CCDC171: variants seen among roughly 807,000 people sequenced by gnomAD.
CCDC171 encodes coiled-coil domain-containing protein 171.
CCDC171 carries 177 observed loss-of-function variants against 168.2 expected under a neutral mutation model. The observed-to-expected ratio is 1.05, with a 90% CI of 0.93 to 1.19. The LOEUF is 1.19. CCDC171 is among the 50% of genes most tolerant of loss of function. CCDC171 has a pLI of 0.00. For synonymous variants in CCDC171, 687 were observed against 540.8 expected (o/e 1.27, Z -3.75); for missense variants, 1,991 against 1,539.0 (o/e 1.29, Z -4.91).
chr9:15,958,383 A>G (rs1830013483), intron 25 of CCDC171, among the ~76,000 whole-genome samples: 1 of 152,036 alleles, frequency 6.6e-6, no homozygotes, highest in South Asian at 2.1e-4. Flanking sequence ...TTTATATTAA[A>G]TTTTAACTAA....
intron 6 of CCDC171, among the ~76,000 whole-genome samples, chr9:16,025,720 T>C (rs1456383241): frequency 2.6e-5 from 4 of 152,160 alleles, no homozygotes; most frequent in Admixed American, 2.0e-4. Context: ...ATTCCATTTA[T>C]CTGAAATGTC....
intron 1 of CCDC171, among the ~76,000 whole-genome samples, chr9:15,559,452 C>T (rs1170324604): frequency 6.6e-6 from 1 of 152,134 alleles, no homozygotes; most frequent in Non-Finnish European, 1.5e-5. Context: ...ATAGTTAGCT[C>T]TTCTTGTTGA....
chr9:15,881,286 C>T (rs1205274790), intron 24 of CCDC171, among the ~76,000 whole-genome samples: 1 of 152,072 alleles, frequency 6.6e-6, no homozygotes. Context: ...AAATGAAATA[C>T]TAAGGTGCGT....
intron 25 of CCDC171, among the ~76,000 whole-genome samples, chr9:15,969,562 C>T (rs1043876668): frequency 6.6e-6 from 1 of 152,202 alleles, no homozygotes; most frequent in African/African-American, 2.4e-5. Flanking sequence ...GCACACCCCT[C>T]TATTTTCCAT....
At chr9:15,578,366 C>A (rs1323678099) in intron 3 of CCDC171, among the ~76,000 whole-genome samples, 1 of 150,000 alleles carries the variant, frequency 6.7e-6, no homozygotes. Context: ...TCCTGAGTAG[C>A]TGAGACTACA....
chr9:16,085,394 A>G, the CCDC171 span, among the ~76,000 whole-genome samples: 2 of 152,242 alleles, frequency 1.3e-5, no homozygotes, highest in Non-Finnish European at 2.9e-5. Flanking sequence ...GAAATGGGTC[A>G]TTCTCAAATG....
At chr9:15,953,175 T>C (rs950199953) in intron 25 of CCDC171, among the ~76,000 whole-genome samples, 2 of 152,122 alleles carry the variant, frequency 1.3e-5, no homozygotes, top group African/African-American at 4.8e-5. Context: ...CTTTTCTTTT[T>C]CTTGCCTAAT....
At chr9:15,592,128 C>A (rs1188659510) in intron 5 of CCDC171, among the ~76,000 whole-genome samples, 1 of 150,552 alleles carries the variant, frequency 6.6e-6, no homozygotes, top group Non-Finnish European at 1.5e-5. Flanking sequence ...TCTATATTTG[C>A]CATTTTTTTT....
the CCDC171 span, among the ~76,000 whole-genome samples, chr9:16,095,031 C>T: frequency 2.6e-5 from 4 of 152,302 alleles, no homozygotes; most frequent in East Asian, 1.9e-4. Context: ...TGTATGCTTC[C>T]CTTCTCTTTC....
At chr9:15,808,915 G>A (rs145802329) in intron 21 of CCDC171, among the ~76,000 whole-genome samples, 170 of 152,244 alleles carry the variant, frequency 1.1e-3, no homozygotes, top group Middle Eastern at 3.4e-3. Flanking sequence ...TAGTAGATTT[G>A]GTGTCTGGTG....
At chr9:15,978,535 A>C (rs1370431888), downstream of CCDC171, among the ~76,000 whole-genome samples, 1 of 152,130 alleles carries the variant, frequency 6.6e-6, no homozygotes, top group African/African-American at 2.4e-5. Flanking sequence ...CCTAAGAGAC[A>C]ATTTTGAGGA....
At chr9:15,760,329 G>C (rs2056375647) in intron 18 of CCDC171, among the ~76,000 whole-genome samples, 1 of 151,962 alleles carries the variant, frequency 6.6e-6, no homozygotes, top group African/African-American at 2.4e-5. Flanking sequence ...TTAAAGAGTA[G>C]GTTTTTATCT....
At chr9:15,641,870 G>A (rs972198044) in intron 7 of CCDC171, among the ~76,000 whole-genome samples, 1 of 152,282 alleles carries the variant, frequency 6.6e-6, no homozygotes, top group Admixed American at 6.5e-5. Flanking sequence ...GTTACATACA[G>A]AACTGTTGTT....
intron 24 of CCDC171, among the ~76,000 whole-genome samples, chr9:15,902,948 C>G (rs1563968952): frequency 6.6e-6 from 1 of 152,200 alleles, no homozygotes; most frequent in African/African-American, 2.4e-5. Flanking sequence ...GCACAGCAGT[C>G]TGAGATCAAA....
chr9:15,710,214 G>A (rs2052556688), intron 11 of CCDC171, among the ~76,000 whole-genome samples: 1 of 152,112 alleles, frequency 6.6e-6, no homozygotes, highest in South Asian at 2.1e-4. Flanking sequence ...TATAATATCA[G>A]TTAGTTTAAA....
At chr9:15,675,292 A>T (rs924118347) in intron 9 of CCDC171, among the ~76,000 whole-genome samples, 4 of 135,752 alleles carry the variant, frequency 2.9e-5, no homozygotes, top group Admixed American at 8.7e-5. Flanking sequence ...GGTCTCCTGT[A>T]TACAGCACAC....
At chr9:15,955,292 A>T (rs1399006396) in intron 25 of CCDC171, among the ~76,000 whole-genome samples, 1 of 152,124 alleles carries the variant, frequency 6.6e-6, no homozygotes, top group East Asian at 1.9e-4. Context: ...AAAGAGAAAG[A>T]TGAAGAGGAG....
intron 3 of CCDC171, among the ~76,000 whole-genome samples, chr9:16,016,698 G>C (rs569696356): frequency 6.6e-6 from 1 of 152,154 alleles, no homozygotes; most frequent in African/African-American, 2.4e-5. Context: ...CGAAAAACAG[G>C]TTGCCACTTG....
intron 24 of CCDC171, among the ~76,000 whole-genome samples, chr9:15,880,374 C>T (rs1818455605): frequency 6.6e-6 from 1 of 151,980 alleles, no homozygotes; most frequent in South Asian, 2.1e-4. Context: ...TTACATGGTA[C>T]AGAGTGATCT....
Sources: allele counts gnomAD v4.1 joint callset (sites outside exome capture counted in the v4.1 genomes callset), GRCh38; gene constraint gnomAD v4.1.1; transcripts MANE v1.5; gene names NCBI Gene and HGNC (gene_info 2026-07-23, HGNC 2026-07-21).